The following NEDD9 variants were observed in gnomAD, a reference collection of about 807,000 sequenced individuals.
NEDD9 encodes enhancer of filamentation 1.
NEDD9 carries 26 observed loss-of-function variants against 76.6 expected under a neutral mutation model. The observed-to-expected ratio is 0.34, with a 90% CI of 0.25 to 0.47. NEDD9 has a LOEUF of 0.47. Among genes scored for constraint, NEDD9 ranks in the 20% least tolerant of loss-of-function variants. The pLI is 1.00. For missense variants in NEDD9, 937 were observed against 1,058.5 expected (o/e 0.89, Z 1.59); for synonymous variants, 392 against 414.2 (o/e 0.95, Z 0.65).
intron 1 of NEDD9, among the ~76,000 whole-genome samples, chr6:11,218,650 A>T (rs1047046251): frequency 9.2e-5 from 14 of 152,158 alleles, no homozygotes; most frequent in South Asian, 2.1e-4. Context: ...TGGATTCTGG[A>T]CTCTGATTTC....
chr6:11,250,038 C>T (rs544124067), intron 3 of NEDD9, among the ~76,000 whole-genome samples: 5 of 152,338 alleles, frequency 3.3e-5, no homozygotes, highest in Admixed American at 2.6e-4. Context: ...GTGAGCTCCC[C>T]CACTGCCTGT....
intron 2 of NEDD9, chr6:11,328,933 A>G (rs1391458594): frequency 6.6e-6 from 1 of 152,278 alleles, no homozygotes; most frequent in African/African-American, 2.4e-5. Context: ...TAAACATTTC[A>G]GAATTCAGTT....
intron 1 of NEDD9, among the ~76,000 whole-genome samples, chr6:11,367,546 A>T (rs948386954): frequency 6.6e-6 from 1 of 152,250 alleles, no homozygotes; most frequent in Non-Finnish European, 1.5e-5. Context: ...TATCAGAGTC[A>T]GATCTATCTG....
chr6:11,239,607 A>C (rs1054740286), intron 3 of NEDD9, among the ~76,000 whole-genome samples: 4 of 152,108 alleles, frequency 2.6e-5, no homozygotes, highest in African/African-American at 7.2e-5. Flanking sequence ...ACTGTGAAAT[A>C]GGGCTTTCAT....
At chr6:11,248,771 A>G (rs1256879482) in intron 3 of NEDD9, among the ~76,000 whole-genome samples, 3 of 152,176 alleles carry the variant, frequency 2.0e-5, no homozygotes, top group Admixed American at 2.0e-4. Flanking sequence ...TTGGTTCTGG[A>G]AACTTGCTCG....
intron 1 of NEDD9, among the ~76,000 whole-genome samples, chr6:11,337,121 G>A (rs1762177132): frequency 6.6e-6 from 1 of 152,184 alleles, no homozygotes; most frequent in Non-Finnish European, 1.5e-5. Context: ...AGGAGGCTGA[G>A]GCAGAGGAAT....
intron 1 of NEDD9, among the ~76,000 whole-genome samples, chr6:11,214,852 G>A (rs1758902045): frequency 6.6e-6 from 1 of 152,212 alleles, no homozygotes; most frequent in Non-Finnish European, 1.5e-5. Flanking sequence ...TGTCATTGAG[G>A]TGGGGCTCAT....
intron 2 of NEDD9, among the ~76,000 whole-genome samples, chr6:11,194,830 A>G (rs1232631308): frequency 6.6e-6 from 1 of 152,210 alleles, no homozygotes; most frequent in Non-Finnish European, 1.5e-5. Context: ...TTGGTGTGCT[A>G]AGCACCAGCA....
upstream of NEDD9, among the ~76,000 whole-genome samples, chr6:11,237,335 C>A (rs1023650540): frequency 2.6e-5 from 4 of 152,134 alleles, no homozygotes; most frequent in Non-Finnish European, 5.9e-5. The surrounding 1 kb of genome is among the most constrained non-coding windows in gnomAD (Gnocchi z 4.9). Context: ...CTTGCAGCAT[C>A]AATGAGTAAG....
intron 6 of NEDD9, among the ~76,000 whole-genome samples, chr6:11,187,543 CAGAAAG>C (rs1199070593): frequency 6.6e-6 from 1 of 151,548 alleles, no homozygotes; most frequent in Non-Finnish European, 1.5e-5. Context: ...GAGGTAGAGA[CAGAAAG>C]AGAGAGAGAG....
chr6:11,213,863 A>G lies in NEDD9; in HGVS notation c.13-136T>C, dbSNP rs1758865454. The G allele has an allele frequency of 2.7e-6, 2 of 745,408 alleles. No homozygotes were observed. Among genetic ancestry groups the G allele is most frequent in the Non-Finnish European group, 4.3e-6 (2 of 464,428 alleles). 46.2% of individuals were successfully genotyped at this position (745,408 alleles called of 1,614,324 possible). A position where few individuals can be genotyped will look rare whatever the true frequency, so the allele number is the denominator to read the frequency against. Reference sequence around the variant, plus strand: ...TAAATCTGAACAATAGACTGTAAGGAGAAAAACAGATGGTGCAGACAAAAG... The same window carrying G: ...TAAATCTGAACAATAGACTGTAAGGGGAAAAACAGATGGTGCAGACAAAAG... On this transcript the variant is annotated intron_variant, in intron 1 of 6. Coordinates refer to ENST00000379446, the MANE Select transcript of NEDD9 (RefSeq NM_006403.4). The surrounding 1 kb of genome is among the most constrained non-coding windows in gnomAD (Gnocchi z 5.4).
At chr6:11,243,686 TCA>T (rs150131507) in intron 3 of NEDD9, among the ~76,000 whole-genome samples, 3,321 of 152,342 alleles carry the variant, frequency 0.022, 68 homozygotes, top group East Asian at 0.11. Context: ...CCAATGTGTT[TCA>T]GTCTTCTTTT....
chr6:11,232,400 C>G, intron 1 of NEDD9, 104 bp downstream of exon 1: 1 of 1,425,462 alleles, frequency 7.0e-7, no homozygotes, highest in East Asian at 2.3e-5. Flanking sequence ...TAGAACTCTC[C>G]GGGACACACA....
At chr6:11,304,604 C>T (rs1481973950) in intron 3 of NEDD9, among the ~76,000 whole-genome samples, 2 of 152,196 alleles carry the variant, frequency 1.3e-5, no homozygotes, top group East Asian at 3.8e-4. Context: ...GGCACATATA[C>T]ACCATGGAAT....
intron 3 of NEDD9, among the ~76,000 whole-genome samples, chr6:11,245,824 T>C (rs971933180): frequency 2.0e-5 from 3 of 152,208 alleles, no homozygotes; most frequent in Non-Finnish European, 4.4e-5. Context: ...GTTAGAAAGA[T>C]TATGGACCTT....
intron 3 of NEDD9, among the ~76,000 whole-genome samples, chr6:11,287,897 C>A (rs1760684550): frequency 6.6e-6 from 1 of 152,228 alleles, no homozygotes; most frequent in African/African-American, 2.4e-5. Flanking sequence ...ATTACTGCAA[C>A]TGAGTAGGGT....
At chr6:11,273,491 T>A (rs1333665201) in intron 3 of NEDD9, among the ~76,000 whole-genome samples, 1 of 152,260 alleles carries the variant, frequency 6.6e-6, no homozygotes, top group Non-Finnish European at 1.5e-5. Context: ...GTGCCACCGA[T>A]GCTGAGGTGC....
Position 11,190,246 on chromosome 6 carries a change from G to A in NEDD9, c.1623C>T (p.Asp541=), listed in dbSNP as rs532153778. Residue 541 remains aspartate, a synonymous_variant, in exon 5 of 7, where the codon GAC becomes GAT. Transcript: ENST00000379446. This position sits in a 1 kb window ranked among gnomAD's most constrained non-coding sequence, Gnocchi z 5.8. ...FVMVAKTVPD[D]AKQLTTTINT... ...TGATGGTTGTGGTGAGCTGCTTGGC[G>A]TCATCGGGCACCGTCTTTGCCACCA... 2.6e-5 allele frequency: 42 copies of A among 1,614,224 alleles called. No homozygotes were observed. The highest frequency in any genetic ancestry group is 1.5e-4 in the African/African-American group (11 of 75,052).
Position 11,213,869 on chromosome 6 carries a change from A to T in NEDD9, c.13-142T>A. The T allele has an allele frequency of 1.4e-6, 1 of 731,380 alleles. No individual in the cohort carries two copies. Among genetic ancestry groups the T allele is most frequent in the Non-Finnish European group, 2.2e-6 (1 of 452,790 alleles). 45.3% of individuals were successfully genotyped at this position (731,380 alleles called of 1,614,324 possible). A position where few individuals can be genotyped will look rare whatever the true frequency, so the allele number is the denominator to read the frequency against. Reference sequence around the variant, plus strand: ...TGAACAATAGACTGTAAGGAGAAAAACAGATGGTGCAGACAAAAGACAGAT... The same window carrying T: ...TGAACAATAGACTGTAAGGAGAAAATCAGATGGTGCAGACAAAAGACAGAT... On this transcript the variant is annotated intron_variant, in intron 1 of 6. Transcript: ENST00000379446. This position sits in a 1 kb window ranked among gnomAD's most constrained non-coding sequence, Gnocchi z 5.4.
Sources: allele counts gnomAD v4.1 joint callset (sites outside exome capture counted in the v4.1 genomes callset), GRCh38; gene constraint gnomAD v4.1.1; non-coding constraint Gnocchi (gnomAD v3.1); transcripts MANE v1.5; gene names NCBI Gene and HGNC (gene_info 2026-07-23, HGNC 2026-07-21).